The following SLC4A4 variants were observed in gnomAD, a reference collection of about 807,000 sequenced individuals.
SLC4A4 encodes electrogenic sodium bicarbonate cotransporter 1.
Under a neutral mutation model 111.5 loss-of-function variants are expected in SLC4A4, and 27 were observed. That is an observed-to-expected ratio of 0.24 (90% CI 0.18 to 0.33). The LOEUF is 0.33. Among genes scored for constraint, SLC4A4 ranks in the 10% least tolerant of loss-of-function variants. SLC4A4 has a pLI of 1.00. For synonymous variants in SLC4A4, 443 were observed against 463.4 expected, an observed-to-expected ratio of 0.96 and a Z score of 0.57; for missense variants, 909 against 1,315.5, an observed-to-expected ratio of 0.69 and a Z score of 4.78.
At chr4:71,089,129 C>T (rs975144164) in intron 1 of SLC4A4, among the ~76,000 whole-genome samples, 3 of 151,946 alleles carry the variant, frequency 2.0e-5, no homozygotes, top group East Asian at 1.9e-4. Context: ...CTCTAAACTT[C>T]TCACTTCATT....
At position 71,376,502 on chromosome 4, in the gene SLC4A4, C is replaced by T. The variant is rs1732411853; in HGVS notation, c.730+19315C>T. Among the ~76,000 whole-genome samples the T allele has an allele frequency of 2.0e-5, 3 of 150,796 alleles. No homozygotes were observed. The South Asian group carries it at 6.3e-4, about 32-fold the overall frequency. On this transcript the variant is annotated intron_variant, in intron 6 of 25. Coordinates refer to ENST00000264485, the MANE Select transcript of SLC4A4 (RefSeq NM_001098484.3). ...ACAGGCATAAGCCACTGCATCTGGCCTCCTAAAATATATTTTAACAGGTTG... is the reference window on the plus strand; with the variant it reads ...ACAGGCATAAGCCACTGCATCTGGCTTCCTAAAATATATTTTAACAGGTTG...
intron 17 of SLC4A4, among the ~76,000 whole-genome samples, chr4:71,532,941 C>T (rs572311436): frequency 2.8e-4 from 42 of 152,222 alleles, no homozygotes; most frequent in Non-Finnish European, 3.1e-4. Context: ...ACTTAACTTA[C>T]GAACCTATTG....
chr4:71,415,607 A>G (rs1054401210), intron 7 of SLC4A4, among the ~76,000 whole-genome samples: 6 of 152,204 alleles, frequency 3.9e-5, no homozygotes, highest in Admixed American at 6.5e-5. Flanking sequence ...TGAATTTTAA[A>G]TGATGTATCT....
intron 2 of SLC4A4, among the ~76,000 whole-genome samples, chr4:71,106,116 A>G (rs1380395488): frequency 2.6e-4 from 39 of 151,398 alleles, no homozygotes; most frequent in African/African-American, 9.5e-4. Flanking sequence ...GGCGAAGGAC[A>G]TGAACAGACA....
chr4:71,460,736 TGAA>T (rs1290334002), intron 12 of SLC4A4, among the ~76,000 whole-genome samples: 1 of 152,116 alleles, frequency 6.6e-6, no homozygotes, highest in African/African-American at 2.4e-5. Flanking sequence ...ACTGATATTC[TGAA>T]GGAGAAGGGG....
chr4:71,121,634 C>G (rs997319269), intron 2 of SLC4A4, among the ~76,000 whole-genome samples: 4 of 152,074 alleles, frequency 2.6e-5, no homozygotes, highest in African/African-American at 9.7e-5. Context: ...GTGTCTAGCT[C>G]AGGGATTGTA....
intron 2 of SLC4A4, among the ~76,000 whole-genome samples, chr4:71,136,081 G>A (rs1271459666): frequency 1.3e-5 from 2 of 152,198 alleles, no homozygotes; most frequent in African/African-American, 4.8e-5. Context: ...CCATAGTGCT[G>A]TCCCTTTGGA....
intron 18 of SLC4A4, 53 bp downstream of exon 18, chr4:71,534,441 T>C: frequency 6.4e-7 from 1 of 1,551,848 alleles, no homozygotes; most frequent in Non-Finnish European, 8.9e-7. Flanking sequence ...TTTTAGTACT[T>C]GAAAACACTA....
intron 1 of SLC4A4, among the ~76,000 whole-genome samples, chr4:71,201,775 C>T (rs1305487357): frequency 1.3e-5 from 2 of 152,228 alleles, no homozygotes; most frequent in African/African-American, 4.8e-5. Context: ...AAACATCTGA[C>T]AATATTTTAG....
In SLC4A4 at chr4:71,479,973, G is replaced by A. The variant is rs1025598659; in HGVS notation, c.1904-6975G>A. On this transcript the variant is annotated intron_variant, in intron 14 of 25. Transcript: ENST00000264485. ...CATCTCCAAGATGTAATGATGGGTG[G>A]GTATGAAAGAGAAGTTTTTGTGAAA... is the stretch of plus-strand genomic sequence containing the variant. Among the ~76,000 whole-genome samples the A allele has an allele frequency of 4.6e-5, 7 of 151,008 alleles. 1 individual carries two copies. The highest frequency in any genetic ancestry group is 1.7e-4 in the African/African-American group (7 of 41,176).
chr4:71,538,913 T>C (rs533704178), intron 18 of SLC4A4, among the ~76,000 whole-genome samples: 3 of 152,164 alleles, frequency 2.0e-5, no homozygotes, highest in African/African-American at 4.8e-5. Flanking sequence ...CCCTGAGTCA[T>C]TGGCAGAAGA....
intron 1 of SLC4A4, among the ~76,000 whole-genome samples, chr4:71,209,948 A>T (rs1381390419): frequency 6.6e-6 from 1 of 152,228 alleles, no homozygotes; most frequent in African/African-American, 2.4e-5. Flanking sequence ...TGGTCTAACC[A>T]TGAAAGTCTC....
At chr4:71,362,389 G>T (rs1336127524) in intron 6 of SLC4A4, among the ~76,000 whole-genome samples, 1 of 152,220 alleles carries the variant, frequency 6.6e-6, no homozygotes, top group Non-Finnish European at 1.5e-5. Flanking sequence ...GTGAAAGAGA[G>T]ATAATGAAAA....
intron 6 of SLC4A4, among the ~76,000 whole-genome samples, chr4:71,376,367 A>T (rs965605139): frequency 1.3e-5 from 2 of 150,200 alleles, no homozygotes; most frequent in African/African-American, 4.9e-5. Flanking sequence ...ATGCCTGGCT[A>T]ATTTTTTTGT....
At chr4:71,209,979 A>G (rs1308822466) in intron 1 of SLC4A4, among the ~76,000 whole-genome samples, 1 of 152,184 alleles carries the variant, frequency 6.6e-6, no homozygotes, top group Admixed American at 6.5e-5. Context: ...ACATTTATAC[A>G]CTTTTCCGGA....
upstream of SLC4A4, among the ~76,000 whole-genome samples, chr4:71,184,208 C>G (rs1244052579): frequency 6.6e-6 from 1 of 152,180 alleles, no homozygotes; most frequent in Non-Finnish European, 1.5e-5. Context: ...CACATCGGCA[C>G]CTTACTTTCA....
chr4:71,413,518 GATTTTTGTCATC>G (rs1429402038), intron 7 of SLC4A4, among the ~76,000 whole-genome samples: 1 of 152,166 alleles, frequency 6.6e-6, no homozygotes, highest in East Asian at 1.9e-4. Flanking sequence ...TTTACAGTCT[GATTTTTGTCATC>G]ATATTTGATG....
At chr4:71,241,415 A>G (rs1720212462) in intron 2 of SLC4A4, among the ~76,000 whole-genome samples, 2 of 152,190 alleles carry the variant, frequency 1.3e-5, no homozygotes, top group African/African-American at 4.8e-5. Flanking sequence ...AACATTTTAC[A>G]GACATGAAAT....
intron 4 of SLC4A4, among the ~76,000 whole-genome samples, chr4:71,341,703 C>T (rs774014138): frequency 6.6e-6 from 1 of 152,028 alleles, no homozygotes; most frequent in African/African-American, 2.4e-5. Flanking sequence ...TTTATTTCCA[C>T]AATTTTAAGT....
Sources: gnomAD v4.1 joint callset for allele counts (sites outside exome capture counted in the v4.1 genomes callset) on GRCh38, gnomAD v4.1.1 for gene constraint, MANE v1.5 for transcripts, NCBI Gene and HGNC (gene_info 2026-07-23, HGNC 2026-07-21) for gene names.